The following DDB1 variants were observed in gnomAD, a reference collection of about 807,000 sequenced individuals.
The protein encoded by DDB1 is damage specific DNA binding protein 1.
A neutral mutation model predicts 133.1 loss-of-function variants in DDB1; 18 were observed. The observed-to-expected ratio is 0.14, with a 90% CI of 0.09 to 0.20. The LOEUF (loss-of-function observed/expected upper bound fraction) is 0.20. Among genes scored for constraint, DDB1 ranks in the 10% least tolerant of loss-of-function variants. DDB1 has a pLI of 1.00. For synonymous variants in DDB1, 580 were observed against 550.5 expected (o/e 1.05, Z -0.75); for missense variants, 828 against 1,459.2 (o/e 0.57, Z 7.05).
Position 61,313,508 on chromosome 11 carries a change from T to C in DDB1, c.2060A>G (p.Tyr687Cys). Residue 687 changes from tyrosine (Y) to cysteine (C), a missense_variant, in exon 16 of 27, where the codon TAT becomes TGT. By Grantham distance (194) the Tyr-to-Cys change is radical (BLOSUM62 -2). This residue lies in a region of DDB1 where 396 missense variants were observed against 554.1 expected (regional missense o/e 0.71). Coordinates refer to ENST00000301764, the MANE Select transcript of DDB1 (RefSeq NM_001923.5). ...NYMCPLNSDG[Y>C]PDSLALANNS... ...GGAAAAAGAGACTCACCTGTCAGGA[T>C]AGCCATCTGAATTGAGGGGACACAT... 6.2e-7 allele frequency: 1 copy of C among 1,614,056 alleles called. No homozygotes were observed. The highest frequency in any genetic ancestry group is 8.5e-7 in the Non-Finnish European group (1 of 1,179,920).
chr11:61,330,354 A>C, intron 2 of DDB1: 1 of 275,824 alleles, frequency 3.6e-6, no homozygotes, highest in Non-Finnish European at 6.7e-6. Flanking sequence ...TCTCAAGCTA[A>C]TCTCAATCAT....
intron 12 of DDB1, chr11:61,316,045 T>C (rs1021256214): frequency 2.3e-6 from 1 of 427,842 alleles, no homozygotes. Flanking sequence ...CCCGAGTCTA[T>C]AAAAGAAAAT....
chr11:61,317,983 C>T lies in DDB1; in HGVS notation c.1226-1416G>A, dbSNP rs558276075. Among the ~76,000 whole-genome samples the T allele has an allele frequency of 1.4e-3, 212 of 152,292 alleles. 1 individual carries two copies. The highest frequency in any genetic ancestry group is 9.6e-4 in the Non-Finnish European group (65 of 68,022). ...CTCGATCTCCTGGGCTCAAGTGATC[C>T]TCCCACCTCAGCCTCCTGAACAGTA... On this transcript the variant is annotated intron_variant, in intron 10 of 26. Coordinates refer to ENST00000301764, the MANE Select transcript of DDB1 (RefSeq NM_001923.5).
chr11:61,329,459 T>C lies in DDB1; in HGVS notation c.453A>G (p.Glu151=), dbSNP rs1213907227. The change falls in exon 4 of 27, where the codon GAA becomes GAG. Residue 151 remains glutamate (E), a synonymous_variant. Coordinates refer to ENST00000301764, the MANE Select transcript of DDB1 (RefSeq NM_001923.5). ...CCAGGCGGATGTTGAAGGCCTTGAG[T>C]TCTTTATTATCGCGATCTAGTGGAA... ...KVIPLDRDNK[E]LKAFNIRLEE... The C allele has an allele frequency of 6.2e-7, 1 of 1,614,002 alleles. No individual in the cohort carries two copies. The highest frequency in any genetic ancestry group is 2.2e-5 in the East Asian group (1 of 44,866).
chr11:61,323,732 A>C, intron 7 of DDB1: 2 of 458,174 alleles, frequency 4.4e-6, no homozygotes, highest in South Asian at 5.4e-5. Flanking sequence ...CTTTAATTCC[A>C]GATTATATCC....
chr11:61,318,969 C>T (rs1374400995), intron 10 of DDB1, among the ~76,000 whole-genome samples: 1 of 152,172 alleles, frequency 6.6e-6, no homozygotes, highest in Non-Finnish European at 1.5e-5. Flanking sequence ...AAGGCCAAGG[C>T]GGGAGGACCG....
rs1856029279 is a variant in DDB1, at chr11:61,314,329, G to A, written c.1568C>T (p.Pro523Leu). 1 of 1,613,104 alleles carries A rather than the reference G, an allele frequency of 6.2e-7. No individual in the cohort carries two copies. The highest frequency in any genetic ancestry group is 8.5e-7 in the Non-Finnish European group (1 of 1,179,668). Residue 523 changes from proline (P) to leucine (L), a missense_variant, in exon 13 of 27, where the codon CCT (proline) becomes CTT (leucine). Transcript: ENST00000301764. Reference sequence around the variant, plus strand: ...ACACCTGATCTGCCGGAGCTCCTGAGGATGGATCTGCAGATAGTAGAGGGC... The same window carrying A: ...ACACCTGATCTGCCGGAGCTCCTGAAGATGGATCTGCAGATAGTAGAGGGC... ...GRALYYLQIH[P>L]QELRQISHTE...
chr11:61,315,002 G>GT (rs1378747866), intron 12 of DDB1: 1 of 151,986 alleles, frequency 6.6e-6, no homozygotes, highest in Non-Finnish European at 1.5e-5. Context: ...GTTAACTTTT[G>GT]TTTTTTGAGT....
chr11:61,311,485 C>T (rs1056134400), intron 18 of DDB1: 3 of 309,480 alleles, frequency 9.7e-6, no homozygotes, highest in East Asian at 5.8e-5. Context: ...CCCGTTCTGT[C>T]GGACTCCAAA....
rs911280777 is a variant in DDB1, at chr11:61,300,079, G to A, written c.*57C>T. ...AGAAGACGATGGTGGAGAGGAGGGG[G>A]AGGGCAGCAGGGCAAAGCCTTTGGG... On this transcript the variant is annotated 3_prime_UTR_variant, in exon 27 of 27. Transcript: ENST00000301764. 6.4e-7 allele frequency: 1 copy of A among 1,560,846 alleles called. No homozygotes were observed. Among genetic ancestry groups the A allele is most frequent in the East Asian group, 2.2e-5 (1 of 44,624 alleles).
In DDB1 at chr11:61,311,781, T is replaced by A. The variant is rs761373922; in HGVS notation, c.2277+3A>T. The A allele has an allele frequency of 1.2e-6, 2 of 1,611,606 alleles. No homozygotes were observed. The highest frequency in any genetic ancestry group is 2.2e-5 in the South Asian group (2 of 90,888). ...GTCATCTTTCTTTGTCCACTGCCCT[T>A]ACCTGGGTGCTAGCGCTGGGCCTCA... is the stretch of plus-strand genomic sequence containing the variant. On this transcript the variant is annotated splice_donor_region_variant and intron_variant, in intron 18 of 26. Coordinates refer to ENST00000301764, the MANE Select transcript of DDB1 (RefSeq NM_001923.5).
intron 25 of DDB1, 79 bp downstream of exon 25, chr11:61,302,178 G>C: frequency 6.4e-6 from 8 of 1,241,354 alleles, no homozygotes; most frequent in Non-Finnish European, 8.3e-6. Flanking sequence ...ACATGTAGTA[G>C]CTTCCGGGTA....
At chr11:61,332,178 A>G (rs1005092825) in intron 1 of DDB1, 1 of 160,526 alleles carries the variant, frequency 6.2e-6, no homozygotes, top group Admixed American at 5.9e-5. Context: ...GCAGTCTACC[A>G]ATACCTCCAT....
intron 18 of DDB1, chr11:61,310,853 T>G: frequency 6.4e-6 from 1 of 155,452 alleles, no homozygotes; most frequent in Non-Finnish European, 1.4e-5. Flanking sequence ...GACCAGCTGG[T>G]ATCACCACTG....
At chr11:61,332,153 C>A (rs954807337) in intron 1 of DDB1, 2 of 163,136 alleles carry the variant, frequency 1.2e-5, no homozygotes, top group African/African-American at 2.4e-5. Flanking sequence ...TTTGTCCACA[C>A]CCCCTGCCCT....
Position 61,324,936 on chromosome 11 carries a change from G to T in DDB1, c.762+675C>A, listed in dbSNP as rs1005899117. Among the ~76,000 whole-genome samples the T allele has an allele frequency of 2.6e-5, 4 of 152,220 alleles. No homozygotes were observed. In the East Asian group the frequency reaches 7.7e-4, roughly 29 times the overall value. On this transcript the variant is annotated intron_variant, in intron 6 of 26. Transcript: ENST00000301764. Reference sequence around the variant, plus strand: ...GGCTGAGGCGGATGGATCACCTGAGGTCGGGAGTTCAAGACCAGCCTGACC... The same window carrying T: ...GGCTGAGGCGGATGGATCACCTGAGTTCGGGAGTTCAAGACCAGCCTGACC...
intron 4 of DDB1, chr11:61,327,642 A>C (rs548568089): frequency 1.3e-5 from 2 of 152,238 alleles, no homozygotes; most frequent in Non-Finnish European, 2.9e-5. Flanking sequence ...TAAAGTTGTC[A>C]AAACTTTCAG....
At position 61,302,044 on chromosome 11, in the gene DDB1, G is replaced by C; in HGVS notation, c.3215+213C>G. The C allele has an allele frequency of 8.7e-6, 4 of 462,264 alleles. No individual in the cohort carries two copies. In the South Asian group the frequency reaches 1.5e-4, roughly 17 times the overall value. 28.6% of individuals were successfully genotyped at this position (462,264 alleles called of 1,614,324 possible). On this transcript the variant is annotated intron_variant, in intron 25 of 26. Coordinates refer to ENST00000301764, the MANE Select transcript of DDB1 (RefSeq NM_001923.5). ...ACATTTCCAAGATGGACCAGCGGAAGCTAGGTGATAAGTACTTTGGGAGTC... is the reference window on the plus strand; with the variant it reads ...ACATTTCCAAGATGGACCAGCGGAACCTAGGTGATAAGTACTTTGGGAGTC...
rs1273218200 is a variant in DDB1 at position 61,321,583 on chromosome 11, C to CA, written c.1225+11dup. The CA allele has an allele frequency of 1.5e-5, 24 of 1,613,724 alleles. No individual in the cohort carries two copies. The highest frequency in any genetic ancestry group is 1.9e-5 in the Non-Finnish European group (23 of 1,179,778). On this transcript the variant is annotated intron_variant, in intron 10 of 26. Transcript: ENST00000301764. ...TGTAAGATCTACATCCTATGCCCACCAAAAAAGCTACCTTTGATGCCTGGT... is the reference window on the plus strand; with the variant it reads ...TGTAAGATCTACATCCTATGCCCACCAAAAAAAGCTACCTTTGATGCCTGGT...
Sources: gnomAD v4.1 joint callset for allele counts (sites outside exome capture counted in the v4.1 genomes callset) on GRCh38, gnomAD v4.1.1 for gene constraint, gnomAD v4.1.1 regional missense constraint, MANE v1.5 for transcripts, NCBI Gene and HGNC (gene_info 2026-07-23, HGNC 2026-07-21) for gene names.